The following LBHD1 variants were observed in gnomAD, a reference collection of about 807,000 sequenced individuals.
The protein encoded by LBHD1 is LBH domain containing 1.
In LBHD1, 28 loss-of-function variants were observed where a neutral mutation model predicts 31.1. The observed-to-expected ratio is 0.90, with a 90% CI of 0.67 to 1.24. The LOEUF (loss-of-function observed/expected upper bound fraction) is 1.24, where lower values mean the gene tolerates loss of function less well. Among genes scored for constraint, LBHD1 ranks in the 50% most tolerant of loss-of-function variants. The pLI is 0.00. For synonymous variants in LBHD1, 105 were observed against 116.5 expected, an observed-to-expected ratio of 0.90 and a Z score of 0.63; for missense variants, 350 against 323.0, an observed-to-expected ratio of 1.08 and a Z score of -0.64.
chr11:62,662,930 G>C lies in LBHD1; in HGVS notation c.*199C>G. The C allele has an allele frequency of 2.7e-6, 2 of 749,062 alleles. No homozygotes were observed. The highest frequency in any genetic ancestry group is 4.3e-6 in the Non-Finnish European group (2 of 465,926). 46.4% of individuals were successfully genotyped at this position (749,062 alleles called of 1,614,324 possible). On this transcript the variant is annotated 3_prime_UTR_variant, in exon 7 of 7. Coordinates refer to ENST00000354588, the MANE Select transcript of LBHD1 (RefSeq NM_024099.5). ...GACATCCCTCTAGGGGAGGTCAGTA[G>C]GCCATTAGGTAGGAGGAAATCTGGA...
intron 4 of LBHD1, chr11:62,666,182 CA>C (rs1227920592): frequency 8.7e-5 from 62 of 708,970 alleles, no homozygotes; most frequent in Non-Finnish European, 1.2e-4. Flanking sequence ...ACCCTGTCTA[CA>C]AAAAAAATTA....
At chr11:62,666,555 C>G in intron 4 of LBHD1, 1 of 1,614,194 alleles carries the variant, frequency 6.2e-7, no homozygotes, top group Non-Finnish European at 8.5e-7. Context: ...GCTGCCAGTC[C>G]TCTGCGAGTG....
At chr11:62,666,119 G>A (rs1483603816) in intron 4 of LBHD1, 5 of 826,750 alleles carry the variant, frequency 6.0e-6, no homozygotes, top group Non-Finnish European at 9.3e-6. Context: ...AGGCCGAGGC[G>A]GGCAGATCGC....
chr11:62,663,207 C>A, intron 6 of LBHD1, 29 bp downstream of exon 6: 1 of 1,613,786 alleles, frequency 6.2e-7, no homozygotes, highest in Non-Finnish European at 8.5e-7. Flanking sequence ...ATCCAGGATT[C>A]CCCTCACCCA....
chr11:62,671,239 C>T (rs756799818), intron 1 of LBHD1: 4 of 465,576 alleles, frequency 8.6e-6, no homozygotes, highest in Non-Finnish European at 1.7e-5. Flanking sequence ...GTAACTATTA[C>T]CCATTTCTCC....
Position 62,669,328 on chromosome 11 carries a change from C to T in LBHD1, c.313+313G>A, listed in dbSNP as rs185602520. ...AGGAGAATGGCGTGAACCCAGGAGGCGGAGCTTGCAGTGAGCTGAGATCGC... is the reference window on the plus strand; with the variant it reads ...AGGAGAATGGCGTGAACCCAGGAGGTGGAGCTTGCAGTGAGCTGAGATCGC... On this transcript the variant is annotated intron_variant, in intron 3 of 6. Transcript: ENST00000354588. 1,882 of 898,144 alleles carry T rather than the reference C, an allele frequency of 2.1e-3. 20 individuals are homozygous for T. In the African/African-American group the frequency reaches 0.03, roughly 14 times the overall value. The allele number at this position is 898,144 out of a possible 1,614,324, so 55.6% of individuals were successfully genotyped here.
chr11:62,669,736 C>T lies in LBHD1; in HGVS notation c.218G>A (p.Gly73Glu). ...VESSEVNEESGDLHLPHEELL... is the reference protein window; with the variant it reads ...VESSEVNEESEDLHLPHEELL... The stretch of plus-strand genomic sequence containing the variant: ...CTCCTCATGGGGCAAATGGAGATCC[C>T]CACTCTCTTCATTCACCTCACTGGA... The change falls in exon 3 of 7, where the codon GGG (glycine) becomes GAG (glutamate). Residue 73 changes from glycine to glutamate, a missense_variant. Coordinates refer to ENST00000354588, the MANE Select transcript of LBHD1 (RefSeq NM_024099.5). 1.2e-6 allele frequency: 2 copies of T among 1,614,034 alleles called. No homozygotes were observed. The highest frequency in any genetic ancestry group is 1.7e-6 in the Non-Finnish European group (2 of 1,180,004).
intron 4 of LBHD1, chr11:62,667,207 G>C: frequency 4.0e-6 from 3 of 758,206 alleles, no homozygotes; most frequent in Admixed American, 2.9e-5. Context: ...CTGTTCCCCA[G>C]TTTACTCATC....
intron 4 of LBHD1, chr11:62,665,670 C>G (rs1262325403): frequency 1.4e-6 from 2 of 1,466,340 alleles, no homozygotes; most frequent in African/African-American, 2.8e-5. Context: ...GTATACCCTC[C>G]TCCACTTCCC....
rs1411765934 is a variant in LBHD1 at position 62,672,105 on chromosome 11, G to A, written c.-552C>T. ...GCGGCGAAGGCGGCGCCGGCGGGAGGTCACCGTGAGACCGGACTTGCCTCC... is the reference window on the plus strand; with the variant it reads ...GCGGCGAAGGCGGCGCCGGCGGGAGATCACCGTGAGACCGGACTTGCCTCC... On this transcript the variant is annotated 5_prime_UTR_variant, in exon 1 of 7. Transcript: ENST00000354588. 6.3e-7 allele frequency: 1 copy of A among 1,577,578 alleles called. No homozygotes were observed. Among genetic ancestry groups the A allele is most frequent in the Non-Finnish European group, 8.6e-7 (1 of 1,162,638 alleles).
intron 4 of LBHD1, chr11:62,666,053 A>C: frequency 3.9e-5 from 51 of 1,295,748 alleles, no homozygotes; most frequent in Non-Finnish European, 5.2e-5. Context: ...TGTGATTCTC[A>C]AACCCTACGG....
At chr11:62,666,805 A>C in intron 4 of LBHD1, 1 of 1,614,136 alleles carries the variant, frequency 6.2e-7, no homozygotes, top group African/African-American at 1.3e-5. Flanking sequence ...CTTTCCAACT[A>C]CTGCTGGACA....
intron 5 of LBHD1, among the ~76,000 whole-genome samples, chr11:62,664,489 C>A (rs1257192773): frequency 6.6e-6 from 1 of 151,838 alleles, no homozygotes; most frequent in Non-Finnish European, 1.5e-5. Flanking sequence ...GGCCACAACG[C>A]CTGGCTAATT....
intron 4 of LBHD1, chr11:62,665,430 T>C (rs772662294): frequency 1.3e-6 from 2 of 1,539,598 alleles, no homozygotes; most frequent in African/African-American, 2.7e-5. Context: ...ACCCTCCTTT[T>C]CTTGGCGGGG....
intron 3 of LBHD1, among the ~76,000 whole-genome samples, chr11:62,669,114 G>A (rs1240855657): frequency 6.6e-6 from 1 of 151,910 alleles, no homozygotes; most frequent in African/African-American, 2.4e-5. Flanking sequence ...TAGAGACGGG[G>A]TTTCACCATG....
intron 4 of LBHD1, chr11:62,665,722 G>A (rs1372581719): frequency 2.1e-6 from 3 of 1,463,406 alleles, no homozygotes; most frequent in African/African-American, 1.4e-5. Flanking sequence ...GTCTGTGTCC[G>A]CGTTCTTTTT....
At chr11:62,666,503 G>C in intron 4 of LBHD1, 2 of 1,614,090 alleles carry the variant, frequency 1.2e-6, no homozygotes, top group Non-Finnish European at 1.7e-6. Flanking sequence ...TGGATACGAC[G>C]AAGTCCAGGG....
chr11:62,664,997 C>G (rs773275879), intron 4 of LBHD1, 24 bp from the exon 5 acceptor site: 177 of 1,607,448 alleles, frequency 1.1e-4, no homozygotes, highest in Non-Finnish European at 1.4e-4. Flanking sequence ...AGATGCGAAT[C>G]AGATGGAGTG....
chr11:62,670,144 G>T, intron 1 of LBHD1, 103 bp from the exon 2 acceptor site: 1 of 1,239,110 alleles, frequency 8.1e-7, no homozygotes, highest in Non-Finnish European at 1.1e-6. Context: ...CTTAAGCACC[G>T]ACTGTGCTAA....
Sources: gnomAD v4.1 joint callset for allele counts (sites outside exome capture counted in the v4.1 genomes callset) on GRCh38, gnomAD v4.1.1 for gene constraint, MANE v1.5 for transcripts, NCBI Gene and HGNC (gene_info 2026-07-23, HGNC 2026-07-21) for gene names.